The following PCDH9 variants were observed in gnomAD, a reference collection of about 807,000 sequenced individuals.
PCDH9 encodes the protein protocadherin-9.
PCDH9 carries 24 observed loss-of-function variants against 70.6 expected under a neutral mutation model. That is an observed-to-expected ratio of 0.34 (90% CI 0.25 to 0.48). The LOEUF is 0.48. Among genes scored for constraint, PCDH9 ranks in the 20% least tolerant of loss-of-function variants. The pLI, the probability that PCDH9 is intolerant of heterozygous loss-of-function variation, is 0.99. For missense variants in PCDH9, 1,281 were observed against 1,503.6 expected (o/e 0.85, Z 2.45); for synonymous variants, 562 against 558.5 (o/e 1.01, Z -0.09).
At chr13:67,084,897 G>A (rs866967270) in intron 2 of PCDH9, among the ~76,000 whole-genome samples, 16 of 138,996 alleles carry the variant, frequency 1.2e-4, no homozygotes, top group African/African-American at 3.8e-4. Flanking sequence ...AACCCGGAAG[G>A]TGGAGGTTGC....
intron 4 of PCDH9, among the ~76,000 whole-genome samples, chr13:66,584,874 C>G (rs1472676885): frequency 6.6e-6 from 1 of 151,970 alleles, no homozygotes; most frequent in East Asian, 1.9e-4. Flanking sequence ...TTAATTGAAA[C>G]TAGCAATAAG....
At chr13:66,869,513 C>G (rs181141469) in intron 3 of PCDH9, among the ~76,000 whole-genome samples, 10 of 152,234 alleles carry the variant, frequency 6.6e-5, no homozygotes, top group Middle Eastern at 3.4e-3. Context: ...ATTATAAAGA[C>G]TGGAATGTTC....
At chr13:66,934,307 G>A (rs939033190) in intron 2 of PCDH9, among the ~76,000 whole-genome samples, 84 of 152,120 alleles carry the variant, frequency 5.5e-4, no homozygotes, top group Admixed American at 1.8e-3. Flanking sequence ...TGAAGTGGGC[G>A]GATCACCTGA....
intron 3 of PCDH9, among the ~76,000 whole-genome samples, chr13:66,762,475 C>T (rs563895004): frequency 1.3e-5 from 2 of 152,134 alleles, no homozygotes; most frequent in East Asian, 1.9e-4. Context: ...TTTCCTCAAG[C>T]TTATGATATA....
intron 3 of PCDH9, among the ~76,000 whole-genome samples, chr13:66,713,057 A>G (rs2078816750): frequency 1.3e-5 from 2 of 152,152 alleles, no homozygotes; most frequent in South Asian, 4.1e-4. Context: ...CAACATTCGT[A>G]TGTTTTCAAA....
At chr13:66,855,880 G>A (rs1000017791) in intron 3 of PCDH9, among the ~76,000 whole-genome samples, 1 of 151,694 alleles carries the variant, frequency 6.6e-6, no homozygotes, top group African/African-American at 2.4e-5. Context: ...TTTTATCATG[G>A]ATAAGATCTA....
rs45527937 is a variant in PCDH9, at chr13:67,227,400, A to G, written c.1041T>C (p.Asn347=). ...STPARATVTI[N]VTDVNDNPPN... is the part of the protein sequence containing the mutation. ...GAGGGTTATCATTTACATCGGTGAC[A>G]TTGATGGTAACCGTTGCTCGAGCAG... The change falls in exon 2 of 5, where the codon AAT becomes AAC. Residue 347 remains asparagine, a synonymous_variant. Coordinates refer to ENST00000377865, the MANE Select transcript of PCDH9 (RefSeq NM_203487.3). The surrounding 1 kb of genome is among the most constrained non-coding windows in gnomAD (Gnocchi z 4.6). 0.025 allele frequency: 40,245 copies of G among 1,613,326 alleles called. 584 individuals are homozygous for G. Among genetic ancestry groups the G allele is most frequent in the Non-Finnish European group, 0.03 (35,862 of 1,179,254 alleles).
Position 66,650,902 on chromosome 13 carries a change from C to T in PCDH9, c.3139-19491G>A, listed in dbSNP as rs144538969. On this transcript the variant is annotated intron_variant, in intron 3 of 4. Coordinates refer to ENST00000377865, the MANE Select transcript of PCDH9 (RefSeq NM_203487.3). Reference sequence around the variant, plus strand: ...GAGGAATTTGAAAACTATACAAATACATGAAAATTAAATAATACATGCCTG... The same window carrying T: ...GAGGAATTTGAAAACTATACAAATATATGAAAATTAAATAATACATGCCTG... 4.2e-3 allele frequency among the ~76,000 whole-genome samples: 639 copies of T among 151,918 alleles called. 21 individuals are homozygous for T. The East Asian group carries it at 0.081, about 19-fold the overall frequency.
intron 4 of PCDH9, among the ~76,000 whole-genome samples, chr13:66,608,775 AAGAG>A (rs968110213): frequency 1.3e-5 from 2 of 152,136 alleles, no homozygotes; most frequent in Non-Finnish European, 2.9e-5. Context: ...AATAATAATA[AAGAG>A]AGAGAGCAAC....
intron 2 of PCDH9, among the ~76,000 whole-genome samples, chr13:67,006,206 G>A (rs1484906704): frequency 2.0e-5 from 3 of 151,982 alleles, no homozygotes; most frequent in African/African-American, 7.3e-5. Flanking sequence ...CAGCCTGGGC[G>A]ACAGAGAGAG....
intron 2 of PCDH9, chr13:67,212,531 A>T (rs1593629057): frequency 1.3e-5 from 2 of 152,270 alleles, no homozygotes; most frequent in South Asian, 4.1e-4. Flanking sequence ...ATTAATACAA[A>T]ATTTAAAAAG....
intron 2 of PCDH9, among the ~76,000 whole-genome samples, chr13:67,041,705 C>A (rs2085117285): frequency 6.6e-6 from 1 of 151,856 alleles, no homozygotes; most frequent in Admixed American, 6.6e-5. Context: ...GTTGTGGGCA[C>A]CTGTAGTCCC....
chr13:66,567,238 C>CT (rs2076666196), intron 4 of PCDH9, among the ~76,000 whole-genome samples: 1 of 152,100 alleles, frequency 6.6e-6, no homozygotes, highest in African/African-American at 2.4e-5. Flanking sequence ...TACCTATCTG[C>CT]TTTTTTCCCA....
intron 4 of PCDH9, among the ~76,000 whole-genome samples, chr13:66,553,841 A>T (rs936236042): frequency 1.3e-5 from 2 of 152,218 alleles, no homozygotes; most frequent in African/African-American, 4.8e-5. Flanking sequence ...ATAAAATTCC[A>T]AAAGAACTAT....
intron 2 of PCDH9, among the ~76,000 whole-genome samples, chr13:67,054,328 A>G (rs1036695452): frequency 6.6e-6 from 1 of 152,178 alleles, no homozygotes; most frequent in Non-Finnish European, 1.5e-5. Flanking sequence ...TTATTTACCT[A>G]TCTACACACA....
chr13:66,906,855 T>A (rs1056557578), intron 2 of PCDH9, among the ~76,000 whole-genome samples: 2 of 152,068 alleles, frequency 1.3e-5, no homozygotes, highest in African/African-American at 4.8e-5. Flanking sequence ...CTATGAATCC[T>A]CCCTAACAAA....
intron 2 of PCDH9, among the ~76,000 whole-genome samples, chr13:67,028,180 C>A (rs1308445926): frequency 5.4e-5 from 8 of 147,310 alleles, no homozygotes; most frequent in Non-Finnish European, 1.2e-4. Context: ...AAATGTCCAA[C>A]AGTGATAGAC....
At chr13:67,113,010 T>A (rs552465472) in intron 2 of PCDH9, among the ~76,000 whole-genome samples, 27 of 152,230 alleles carry the variant, frequency 1.8e-4, no homozygotes, top group Non-Finnish European at 3.7e-4. Flanking sequence ...GATAATGTCA[T>A]GTATCTATTT....
At chr13:67,013,887 A>G (rs989728644) in intron 2 of PCDH9, among the ~76,000 whole-genome samples, 2 of 152,014 alleles carry the variant, frequency 1.3e-5, no homozygotes, top group African/African-American at 4.8e-5. Flanking sequence ...TACCAGAACA[A>G]TTGTTATCAT....
Sources: allele counts gnomAD v4.1 joint callset (sites outside exome capture counted in the v4.1 genomes callset), GRCh38; gene constraint gnomAD v4.1.1; non-coding constraint Gnocchi (gnomAD v3.1); transcripts MANE v1.5; gene names NCBI Gene and HGNC (gene_info 2026-07-23, HGNC 2026-07-21).